The following KCNIP4 variants were observed in gnomAD, a reference collection of about 807,000 sequenced individuals.
KCNIP4 encodes potassium voltage-gated channel interacting protein 4.
In KCNIP4, 12 loss-of-function variants were observed where a neutral mutation model predicts 34.0. That is an observed-to-expected ratio of 0.35 (90% CI 0.23 to 0.57). The LOEUF (loss-of-function observed/expected upper bound fraction) is 0.57. Among genes scored for constraint, KCNIP4 ranks in the 20% least tolerant of loss-of-function variants. KCNIP4 has a pLI of 0.83. For missense variants in KCNIP4, 238 were observed against 311.7 expected, an observed-to-expected ratio of 0.76 and a Z score of 1.78; for synonymous variants, 124 against 102.2, an observed-to-expected ratio of 1.21 and a Z score of -1.29.
chr4:21,698,440 C>T (rs1712572464), intron 1 of KCNIP4, among the ~76,000 whole-genome samples: 1 of 152,156 alleles, frequency 6.6e-6, no homozygotes, highest in South Asian at 2.1e-4. Context: ...CCCTACCAAT[C>T]AACTTTTTTA....
intron 1 of KCNIP4, among the ~76,000 whole-genome samples, chr4:21,568,982 C>A (rs894906833): frequency 6.6e-6 from 1 of 151,904 alleles, no homozygotes; most frequent in African/African-American, 2.4e-5. Flanking sequence ...GGTCAATAAA[C>A]CACCAGATAC....
chr4:21,710,436 T>A (rs1255727089), intron 1 of KCNIP4, among the ~76,000 whole-genome samples: 1 of 152,142 alleles, frequency 6.6e-6, no homozygotes, highest in East Asian at 1.9e-4. Context: ...AGGGAACAAA[T>A]GCATGACAAC....
At chr4:21,747,270 C>T (rs1167605484) in intron 1 of KCNIP4, among the ~76,000 whole-genome samples, 2 of 152,110 alleles carry the variant, frequency 1.3e-5, no homozygotes, top group Admixed American at 1.3e-4. Context: ...GAATCCTTAG[C>T]AGGTCAAGTT....
chr4:20,957,271 C>T (rs1733409239), intron 1 of KCNIP4, among the ~76,000 whole-genome samples: 1 of 152,182 alleles, frequency 6.6e-6, no homozygotes, highest in South Asian at 2.1e-4. Context: ...GTTCTTGTCA[C>T]TGACACCACT....
In KCNIP4 at chr4:20,746,522, T is replaced by TA. The variant is rs553423842; in HGVS notation, c.429+3139dup. Among the ~76,000 whole-genome samples the TA allele has an allele frequency of 3.1e-3, 459 of 149,506 alleles. 11 individuals carry two copies. In the South Asian group the frequency reaches 0.051, roughly 17 times the overall value. On this transcript the variant is annotated intron_variant, in intron 5 of 8. Transcript: ENST00000382152. ...TGTATCCCAGAACTTAAAGTATAAT[T>TA]AAAAAAAAAATCCCCCAACTGATAA...
At chr4:21,099,919 G>A (rs1747793941) in intron 1 of KCNIP4, among the ~76,000 whole-genome samples, 1 of 152,074 alleles carries the variant, frequency 6.6e-6, no homozygotes, top group Non-Finnish European at 1.5e-5. Flanking sequence ...ATTAGAAGTC[G>A]AGCCTGAATA....
chr4:21,295,513 T>C (rs962584751), intron 1 of KCNIP4, among the ~76,000 whole-genome samples: 2 of 152,158 alleles, frequency 1.3e-5, no homozygotes, highest in Non-Finnish European at 2.9e-5. Context: ...CCCATTACCC[T>C]GGCAAGCTCA....
intron 1 of KCNIP4, among the ~76,000 whole-genome samples, chr4:21,753,540 A>T (rs1260713232): frequency 2.0e-5 from 3 of 152,192 alleles, no homozygotes; most frequent in African/African-American, 7.2e-5. Context: ...GTCTCTAAAA[A>T]AATATGCCCT....
intron 3 of KCNIP4, among the ~76,000 whole-genome samples, chr4:20,837,680 A>AAT (rs1719214549): frequency 1.1e-5 from 1 of 89,906 alleles, no homozygotes; most frequent in Non-Finnish European, 2.2e-5. Context: ...ATATATATAT[A>AAT]TATATATTTT....
At chr4:21,316,225 C>T (rs1274411846) in intron 1 of KCNIP4, 1 of 152,100 alleles carries the variant, frequency 6.6e-6, no homozygotes, top group African/African-American at 2.4e-5. Context: ...ATGTCCTGTA[C>T]AAAACTATGA....
chr4:21,660,215 C>T (rs111307534), intron 1 of KCNIP4, among the ~76,000 whole-genome samples: 41 of 152,034 alleles, frequency 2.7e-4, no homozygotes, highest in African/African-American at 8.9e-4. Flanking sequence ...TTATATATAC[C>T]TCTTGCTTCC....
intron 1 of KCNIP4, among the ~76,000 whole-genome samples, chr4:20,941,364 T>C (rs1219765602): frequency 6.6e-6 from 1 of 152,230 alleles, no homozygotes; most frequent in Non-Finnish European, 1.5e-5. Flanking sequence ...TGGGTAAACT[T>C]TTCTTAATTG....
chr4:21,370,697 T>A (rs1250164755), intron 1 of KCNIP4, among the ~76,000 whole-genome samples: 4 of 137,740 alleles, frequency 2.9e-5, no homozygotes, highest in African/African-American at 6.5e-5. Context: ...ATTTGGGATA[T>A]CTAGCAGAAA....
At chr4:21,741,360 T>C (rs374420077) in intron 1 of KCNIP4, among the ~76,000 whole-genome samples, 2 of 152,162 alleles carry the variant, frequency 1.3e-5, no homozygotes, top group East Asian at 3.9e-4. Flanking sequence ...ACTAACAGAA[T>C]GGACGTTCTC....
intron 1 of KCNIP4, among the ~76,000 whole-genome samples, chr4:21,733,058 A>G (rs1282061786): frequency 6.6e-6 from 1 of 152,182 alleles, no homozygotes; most frequent in Non-Finnish European, 1.5e-5. Flanking sequence ...CCCAAGTAGA[A>G]AAGTACGAAT....
chr4:20,957,533 C>T (rs1193407958), intron 1 of KCNIP4, among the ~76,000 whole-genome samples: 1 of 152,058 alleles, frequency 6.6e-6, no homozygotes, highest in East Asian at 1.9e-4. Flanking sequence ...TTATTTCATT[C>T]CAGGTTTGCT....
At chr4:21,570,974 C>A (rs1434483587) in intron 1 of KCNIP4, among the ~76,000 whole-genome samples, 1 of 152,146 alleles carries the variant, frequency 6.6e-6, no homozygotes, top group Admixed American at 6.6e-5. Context: ...AAACTCAAGT[C>A]TGACCCTAGA....
At chr4:21,117,317 G>GGGGGGGGGGGGT (rs1560737663) in intron 1 of KCNIP4, among the ~76,000 whole-genome samples, 1 of 118,496 alleles carries the variant, frequency 8.4e-6, no homozygotes, top group Non-Finnish European at 1.9e-5. Context: ...GGGGGGGGGG[G>GGGGGGGGGGGGT]GGCGCTGTTT....
intron 2 of KCNIP4, 116 bp from the exon 3 acceptor site, chr4:20,850,783 G>A: frequency 1.6e-6 from 2 of 1,225,996 alleles, no homozygotes; most frequent in Non-Finnish European, 2.2e-6. Flanking sequence ...TGTCCACAGA[G>A]GAAGGACCCT....
Sources: allele counts gnomAD v4.1 joint callset (sites outside exome capture counted in the v4.1 genomes callset), GRCh38; gene constraint gnomAD v4.1.1; transcripts MANE v1.5; gene names NCBI Gene and HGNC (gene_info 2026-07-23, HGNC 2026-07-21).